Variants in PROX1 observed in about 807,000 individuals in gnomAD.
PROX1 encodes prospero homeobox 1, also known as prospero homeobox protein 1.
Under a neutral mutation model 58.8 loss-of-function variants are expected in PROX1, and 7 were observed. The observed-to-expected ratio is 0.12, with a 90% CI of 0.07 to 0.22. The LOEUF is 0.22. Among genes scored for constraint, PROX1 ranks in the 10% least tolerant of loss-of-function variants. The pLI is 1.00. For missense variants in PROX1, 675 were observed against 927.8 expected, an observed-to-expected ratio of 0.73 and a Z score of 3.54; for synonymous variants, 350 against 358.3, an observed-to-expected ratio of 0.98 and a Z score of 0.26.
chr1:214,020,080 G>A (rs928848444), intron 4 of PROX1, among the ~76,000 whole-genome samples: 4 of 152,056 alleles, frequency 2.6e-5, no homozygotes, highest in African/African-American at 9.7e-5. Flanking sequence ...CCACCATGAA[G>A]ACTAACGTTT....
intron 4 of PROX1, among the ~76,000 whole-genome samples, chr1:214,022,659 T>C (rs1348688505): frequency 6.6e-6 from 1 of 152,196 alleles, no homozygotes; most frequent in Admixed American, 6.5e-5. Flanking sequence ...AGCACTGGCC[T>C]GGAGGGTCTG....
chr1:214,017,939 G>T (rs1664152182), intron 4 of PROX1, among the ~76,000 whole-genome samples: 1 of 152,110 alleles, frequency 6.6e-6, no homozygotes, highest in South Asian at 2.1e-4. Context: ...TCCCACAAAG[G>T]GTTATCAATG....
chr1:214,012,998 T>C (rs904253040), intron 4 of PROX1, among the ~76,000 whole-genome samples: 3 of 152,246 alleles, frequency 2.0e-5, no homozygotes, highest in Admixed American at 2.0e-4. Context: ...TTATAAAGAA[T>C]TGAATATGGA....
rs1483211080 is a variant in PROX1 at position 213,997,203 on chromosome 1, A to C, written c.668A>C (p.Gln223Pro). ...CAGCAGCAGCAACAGAGTTTCCAGC[A>C]GCTGGTTTCAGCCCGAAAAGAACAG... ...LPQQQQQSFQ[Q>P]LVSARKEQKR... Residue 223 changes from glutamine (Q) to proline (P), a missense_variant, in exon 2 of 5, where the codon CAG becomes CCG. This residue lies in a region of PROX1 where 403 missense variants were observed against 477.4 expected (regional missense o/e 0.84). Coordinates refer to ENST00000366958, the MANE Select transcript of PROX1 (RefSeq NM_001270616.2). This position sits in a 1 kb window ranked among gnomAD's most constrained non-coding sequence, Gnocchi z 7.1. 1 of 1,612,740 alleles carries C rather than the reference A, an allele frequency of 6.2e-7. No homozygotes were observed. Among genetic ancestry groups the C allele is most frequent in the Non-Finnish European group, 8.5e-7 (1 of 1,179,656 alleles).
chr1:213,997,891 C>G lies in PROX1; in HGVS notation c.1356C>G (p.Ala452=). The G allele has an allele frequency of 6.2e-7, 1 of 1,612,384 alleles. No homozygotes were observed. Among genetic ancestry groups the G allele is most frequent in the South Asian group, 1.1e-5 (1 of 90,718 alleles). The change falls in exon 2 of 5, where the codon GCC becomes GCG. Residue 452 remains alanine, a synonymous_variant. Coordinates refer to ENST00000366958, the MANE Select transcript of PROX1 (RefSeq NM_001270616.2). This position sits in a 1 kb window ranked among gnomAD's most constrained non-coding sequence, Gnocchi z 7.1. ...VVRKNSSDQS[A]SGPAAGGHHQ... Reference sequence around the variant, plus strand: ...GCAAAAACTCCTCTGACCAGTCTGCCTCCGGCCCTGCCGCTGGCGGCCACC... The same window carrying G: ...GCAAAAACTCCTCTGACCAGTCTGCGTCCGGCCCTGCCGCTGGCGGCCACC...
At chr1:214,023,131 G>A (rs529017964) in intron 4 of PROX1, among the ~76,000 whole-genome samples, 1 of 152,284 alleles carries the variant, frequency 6.6e-6, no homozygotes, top group Non-Finnish European at 1.5e-5. Context: ...TGACTGAATT[G>A]GCACTATCAT....
In PROX1 at chr1:214,037,080, C is replaced by T. The variant is rs1476089280; in HGVS notation, c.*1246C>T. On this transcript the variant is annotated 3_prime_UTR_variant, in exon 5 of 5. Coordinates refer to ENST00000366958, the MANE Select transcript of PROX1 (RefSeq NM_001270616.2). ...GAAAATTTGGGGTTAACCCAAAAGA[C>T]ACAATTCCAGCACACATAAGAAAGC... 2 of 152,198 alleles carry T rather than the reference C, an allele frequency of 1.3e-5. No homozygotes were observed. Among genetic ancestry groups the T allele is most frequent in the Non-Finnish European group, 2.9e-5 (2 of 68,020 alleles). The allele number at this position is 152,198 out of a possible 1,614,324, so 9.4% of individuals were successfully genotyped here.
rs1664874313 is a variant in PROX1, at chr1:214,037,714, C to G, written c.*1880C>G. On this transcript the variant is annotated 3_prime_UTR_variant, in exon 5 of 5. Transcript: ENST00000366958. ...GCGGCCTCACACATCTCCCAGCTCACACTCTACTAATGCACAGAGTCATTA... is the reference window on the plus strand; with the variant it reads ...GCGGCCTCACACATCTCCCAGCTCAGACTCTACTAATGCACAGAGTCATTA... 1 of 152,222 alleles carries G rather than the reference C, an allele frequency of 6.6e-6. No individual in the cohort carries two copies. The highest frequency in any genetic ancestry group is 2.4e-5 in the African/African-American group (1 of 41,436). 9.4% of individuals were successfully genotyped at this position (152,222 alleles called of 1,614,324 possible).
Position 214,040,681 on chromosome 1 carries a change from A to C in PROX1, c.*4847A>C, listed in dbSNP as rs1470635621. 6.6e-6 allele frequency: 1 copy of C among 152,168 alleles called. No homozygotes were observed. The highest frequency in any genetic ancestry group is 1.5e-5 in the Non-Finnish European group (1 of 68,016). 9.4% of individuals were successfully genotyped at this position (152,168 alleles called of 1,614,324 possible). A position where few individuals can be genotyped will look rare whatever the true frequency, so the allele number is the denominator to read the frequency against. ...CAATATGTTGTAAATAGCATTATTA[A>C]GCTCTTTTTTGTAATAAAGACCCTT... On this transcript the variant is annotated 3_prime_UTR_variant, in exon 5 of 5. Transcript: ENST00000366958.
In PROX1 at chr1:214,037,756, T is replaced by G. The variant is rs1230765543; in HGVS notation, c.*1922T>G. 1.3e-5 allele frequency: 2 copies of G among 152,134 alleles called. No individual in the cohort carries two copies. The highest frequency in any genetic ancestry group is 4.8e-5 in the African/African-American group (2 of 41,416). The allele number at this position is 152,134 out of a possible 1,614,324, so 9.4% of individuals were successfully genotyped here. On this transcript the variant is annotated 3_prime_UTR_variant, in exon 5 of 5. Coordinates refer to ENST00000366958, the MANE Select transcript of PROX1 (RefSeq NM_001270616.2). ...GAGTCATTAGATCCAATTTGTTATT[T>G]TTCTCACTTGCTTTAAAAAAAAGCA...
At chr1:214,024,637 T>G (rs938267325) in intron 4 of PROX1, among the ~76,000 whole-genome samples, 1 of 152,162 alleles carries the variant, frequency 6.6e-6, no homozygotes, top group Non-Finnish European at 1.5e-5. Context: ...CATTGCTCCA[T>G]CAATAGCAAT....
At chr1:214,009,419 G>A (rs559769621) in intron 3 of PROX1, among the ~76,000 whole-genome samples, 2 of 152,274 alleles carry the variant, frequency 1.3e-5, no homozygotes, top group South Asian at 2.1e-4. Flanking sequence ...ACTCTTTAAA[G>A]TTTAATACTT....
At chr1:213,994,789 ATATATATATATAT>A (rs1663189845) in intron 1 of PROX1, among the ~76,000 whole-genome samples, 3 of 76,734 alleles carry the variant, frequency 3.9e-5, no homozygotes, top group African/African-American at 1.5e-4. Context: ...ATATATATAT[ATATATATATATAT>A]AAAGAGGTAT....
intron 4 of PROX1, among the ~76,000 whole-genome samples, chr1:214,013,108 T>G (rs77066417): frequency 6.6e-6 from 1 of 151,112 alleles, no homozygotes; most frequent in Admixed American, 6.6e-5. Context: ...ATATATTTTT[T>G]GCCAAATGTG....
chr1:214,010,329 C>T (rs1663864408), intron 3 of PROX1, among the ~76,000 whole-genome samples: 1 of 152,160 alleles, frequency 6.6e-6, no homozygotes, highest in Admixed American at 6.5e-5. Context: ...CCATTCTCTG[C>T]CATAAATTTT....
intron 2 of PROX1, among the ~76,000 whole-genome samples, chr1:214,000,612 G>A (rs1284922458): frequency 6.6e-6 from 1 of 152,212 alleles, no homozygotes; most frequent in Non-Finnish European, 1.5e-5. Context: ...GGCCTTCTAT[G>A]CTCCTATTCT....
At chr1:214,010,191 T>C (rs1045958822) in intron 3 of PROX1, among the ~76,000 whole-genome samples, 2 of 152,090 alleles carry the variant, frequency 1.3e-5, no homozygotes, top group Admixed American at 1.3e-4. Flanking sequence ...GCAGAAGCGA[T>C]TTGCTGATGA....
intron 2 of PROX1, among the ~76,000 whole-genome samples, chr1:214,002,398 T>TTTTTTC (rs1558173730): frequency 3.5e-5 from 5 of 143,172 alleles, no homozygotes; most frequent in Admixed American, 7.4e-5. Context: ...TCTTTTCTTT[T>TTTTTTC]TTTTTTCTTT....
rs769768646 is a variant in PROX1 at position 214,035,648 on chromosome 1, G to C, written c.2029-1G>C. The C allele has an allele frequency of 6.2e-7, 1 of 1,606,384 alleles. No individual in the cohort carries two copies. Among genetic ancestry groups the C allele is most frequent in the Non-Finnish European group, 8.5e-7 (1 of 1,175,960 alleles). ...ATGCCATTGTCTCCTTGTATCAGCA[G>C]GTTCCAGAGAGATTCCTGGAAGTTG... On this transcript the variant is annotated splice_acceptor_variant, in intron 4 of 4. Coordinates refer to ENST00000366958, the MANE Select transcript of PROX1 (RefSeq NM_001270616.2). LOFTEE classifies it high-confidence loss of function.
Sources: gnomAD v4.1 joint callset for allele counts (sites outside exome capture counted in the v4.1 genomes callset) on GRCh38, gnomAD v4.1.1 for gene constraint, gnomAD v4.1.1 regional missense constraint, Gnocchi (gnomAD v3.1) non-coding constraint, MANE v1.5 for transcripts, NCBI Gene and HGNC (gene_info 2026-07-23, HGNC 2026-07-21) for gene names.